Variants in EMP2 observed in about 807,000 individuals in gnomAD.
EMP2 encodes epithelial membrane protein 2.
A neutral mutation model predicts 13.7 loss-of-function variants in EMP2; 19 were observed. The ratio of observed to expected loss-of-function variants is 1.38; its 90% confidence interval spans 0.97 to 2.03. EMP2 has a LOEUF of 2.03. Ranked by LOEUF, EMP2 falls within the 30% of genes most tolerant of loss-of-function variation. The pLI is 0.00. For synonymous variants in EMP2, 97 were observed against 84.7 expected (o/e 1.15, Z -0.80); for missense variants, 253 against 220.7 (o/e 1.15, Z -0.93).
At chr16:10,537,309 G>T (rs1171078698) in intron 4 of EMP2, among the ~76,000 whole-genome samples, 1 of 152,160 alleles carries the variant, frequency 6.6e-6, no homozygotes, top group Non-Finnish European at 1.5e-5. Context: ...CTTCCTCCAA[G>T]TTCCTCCAGG....
At chr16:10,574,708 T>A (rs1596383746) in intron 1 of EMP2, among the ~76,000 whole-genome samples, 1 of 148,798 alleles carries the variant, frequency 6.7e-6, no homozygotes, top group Non-Finnish European at 1.5e-5. Context: ...TGTGCCACCA[T>A]GCCGGCTAAT....
rs572545958 is a variant in EMP2, at chr16:10,556,761, G to T, written c.-60-9084C>A. On this transcript the variant is annotated intron_variant, in intron 1 of 4. Transcript: ENST00000359543. ...CCATTTTACAGATGAGAAACCAAGG[G>T]TCCTAATGGTTCTGGGTGATTTGCC... is the stretch of plus-strand genomic sequence containing the variant. Among the ~76,000 whole-genome samples the T allele has an allele frequency of 2.6e-5, 4 of 152,310 alleles. No homozygotes were observed. In the East Asian group the frequency reaches 5.8e-4, roughly 22 times the overall value.
At chr16:10,569,154 T>A (rs1222526609) in intron 1 of EMP2, among the ~76,000 whole-genome samples, 1 of 152,162 alleles carries the variant, frequency 6.6e-6, no homozygotes, top group Non-Finnish European at 1.5e-5. Flanking sequence ...AAGCCTGCAC[T>A]CATGACAGCT....
intron 1 of EMP2, among the ~76,000 whole-genome samples, chr16:10,572,374 G>T (rs896258700): frequency 6.6e-6 from 1 of 152,086 alleles, no homozygotes. Flanking sequence ...TTGAGCCCAG[G>T]TGTTCGCGGC....
rs2050717378 is a variant in EMP2 at position 10,543,580 on chromosome 16, G to A, written c.159C>T (p.Asp53=). ...TTCATTCACACTTACCTTGAAAGCT[G>A]TCATTGATGACTGTGCAATTCGTGT... The part of the protein sequence containing the change: ...TNNTNCTVIN[D]SFQEYSTLQA... Residue 53 remains aspartate (D), a synonymous_variant, in exon 3 of 5, where the codon GAC becomes GAT. Transcript: ENST00000359543. 2 of 1,614,214 alleles carry A rather than the reference G, an allele frequency of 1.2e-6. No individual in the cohort carries two copies. The highest frequency in any genetic ancestry group is 1.7e-6 in the Non-Finnish European group (2 of 1,180,000).
intron 1 of EMP2, among the ~76,000 whole-genome samples, chr16:10,566,782 C>T (rs898451846): frequency 2.0e-5 from 3 of 152,198 alleles, no homozygotes; most frequent in East Asian, 1.9e-4. Context: ...ACAGAGCATG[C>T]GAGGCTCTTT....
intron 3 of EMP2, among the ~76,000 whole-genome samples, chr16:10,541,124 G>C (rs1433369656): frequency 1.3e-5 from 2 of 151,880 alleles, no homozygotes. Flanking sequence ...ATTTATGGGT[G>C]AGTGCAGAGG....
intron 1 of EMP2, among the ~76,000 whole-genome samples, chr16:10,573,912 T>A (rs1021255821): frequency 6.6e-6 from 1 of 150,552 alleles, no homozygotes; most frequent in East Asian, 1.9e-4. Flanking sequence ...TCTTTCCATA[T>A]GGGTACAATG....
In EMP2 at chr16:10,532,759, T is replaced by TTTTCC. The variant is rs2050615490; in HGVS notation, c.*145_*146insGGAAA. On this transcript the variant is annotated 3_prime_UTR_variant, in exon 5 of 5. Transcript: ENST00000359543. ...TTTTGGATTTTTTTTTTCTTTTTTC[T>TTTTCC]TTTTTTTTTTTTTTTTTTTTTTTTT... The TTTTCC allele has an allele frequency of 8.0e-6, 1 of 125,148 alleles. No individual in the cohort carries two copies. The highest frequency in any genetic ancestry group is 2.1e-4 in the East Asian group (1 of 4,710). The allele number at this position is 125,148 out of a possible 1,614,324, so 7.8% of individuals were successfully genotyped here.
intron 1 of EMP2, among the ~76,000 whole-genome samples, chr16:10,570,842 G>C (rs944178914): frequency 1.3e-5 from 2 of 152,032 alleles, no homozygotes; most frequent in African/African-American, 4.8e-5. Context: ...TGCCTGGCCT[G>C]GTATGAGTCT....
intron 1 of EMP2, among the ~76,000 whole-genome samples, chr16:10,579,711 C>CACATACAT (rs1555461493): frequency 2.9e-5 from 1 of 34,126 alleles, no homozygotes; most frequent in African/African-American, 5.3e-5. Context: ...TCAAGGTGCA[C>CACATACAT]ACACACACAC....
intron 1 of EMP2, among the ~76,000 whole-genome samples, chr16:10,554,764 G>A (rs150958871): frequency 2.7e-4 from 41 of 152,124 alleles, no homozygotes; most frequent in African/African-American, 8.0e-4. Context: ...GTCTTGTCTC[G>A]GTTCCCCTGA....
chr16:10,549,883 C>CTTTTTTTTTTTTTTT (rs59259895), intron 1 of EMP2, among the ~76,000 whole-genome samples: 56 of 112,256 alleles, frequency 5.0e-4, no homozygotes, highest in African/African-American at 7.9e-4. Context: ...TTTTCTTTTT[C>CTTTTTTTTTTTTTTT]TTTTTTTTTT....
intron 1 of EMP2, among the ~76,000 whole-genome samples, chr16:10,549,883 C>CTTTTTTTTTTTTTTTTTTTTTTTTTTTTT (rs59259895): frequency 8.9e-6 from 1 of 112,270 alleles, no homozygotes; most frequent in Admixed American, 9.2e-5. Context: ...TTTTCTTTTT[C>CTTTTTTTTTTTTTTTTTTTTTTTTTTTTT]TTTTTTTTTT....
At chr16:10,544,530 C>T (rs1342935019) in intron 2 of EMP2, 1 of 152,316 alleles carries the variant, frequency 6.6e-6, no homozygotes, top group Non-Finnish European at 1.5e-5. Context: ...CTACTTTCTC[C>T]CAAAGGATAA....
intron 1 of EMP2, among the ~76,000 whole-genome samples, chr16:10,558,478 A>AGTGTGTGT (rs61441812): frequency 6.7e-6 from 1 of 149,894 alleles, no homozygotes; most frequent in Non-Finnish European, 1.5e-5. Context: ...GTTTGCTTAA[A>AGTGTGTGT]GTGTGTGTGT....
intron 1 of EMP2, among the ~76,000 whole-genome samples, chr16:10,576,175 C>T (rs995470434): frequency 2.6e-5 from 4 of 151,912 alleles, no homozygotes; most frequent in African/African-American, 9.7e-5. Context: ...CATTTTTTCC[C>T]CCAATACCAA....
intron 1 of EMP2, among the ~76,000 whole-genome samples, chr16:10,565,032 C>T (rs1321834608): frequency 6.6e-6 from 1 of 152,186 alleles, no homozygotes; most frequent in African/African-American, 2.4e-5. Context: ...GCTCTTGCTG[C>T]TCAAAAGCTC....
chr16:10,572,608 G>A lies in EMP2; in HGVS notation c.-61+7941C>T, dbSNP rs144347616. ...GAATGAACACGTGAGGAATAAATCA[G>A]GATAGATGACCTGTCACAGAACTCC... On this transcript the variant is annotated intron_variant, in intron 1 of 4. Coordinates refer to ENST00000359543, the MANE Select transcript of EMP2 (RefSeq NM_001424.6). Among the ~76,000 whole-genome samples, 4 of 152,276 alleles carry A rather than the reference G, an allele frequency of 2.6e-5. No individual in the cohort carries two copies. The East Asian group carries it at 7.7e-4, about 29-fold the overall frequency.
Sources: gnomAD v4.1 joint callset for allele counts (sites outside exome capture counted in the v4.1 genomes callset) on GRCh38, gnomAD v4.1.1 for gene constraint, MANE v1.5 for transcripts, NCBI Gene and HGNC (gene_info 2026-07-23, HGNC 2026-07-21) for gene names.